Variants in SIL1 observed in about 807,000 individuals in gnomAD.
SIL1 encodes the protein nucleotide exchange factor SIL1.
In SIL1, 40 loss-of-function variants were observed where a neutral mutation model predicts 49.1. That is an observed-to-expected ratio of 0.81 (90% confidence interval 0.63 to 1.06). SIL1 has a LOEUF of 1.06. Among genes scored for constraint, SIL1 ranks in the 50% least tolerant of loss-of-function variants. The pLI is 0.00. For missense variants in SIL1, 500 were observed against 572.6 expected, an observed-to-expected ratio of 0.87 and a Z score of 1.29; for synonymous variants, 253 against 250.8, an observed-to-expected ratio of 1.01 and a Z score of -0.08.
At chr5:139,058,066 TATA>T (rs1414224324) in intron 3 of SIL1, among the ~76,000 whole-genome samples, 14 of 152,220 alleles carry the variant, frequency 9.2e-5, no homozygotes, top group African/African-American at 3.4e-4. Context: ...AGTATATCCA[TATA>T]ATATTATTCA....
intron 3 of SIL1, among the ~76,000 whole-genome samples, chr5:139,055,334 C>G (rs1769380926): frequency 6.6e-6 from 1 of 152,094 alleles, no homozygotes; most frequent in Non-Finnish European, 1.5e-5. Flanking sequence ...CTCTTGTTTT[C>G]TGGGTTGGGG....
intron 7 of SIL1, among the ~76,000 whole-genome samples, chr5:138,974,071 C>G (rs1327731314): frequency 6.6e-6 from 1 of 152,094 alleles, no homozygotes; most frequent in Non-Finnish European, 1.5e-5. Flanking sequence ...TCAAATTGAG[C>G]AGCAAACAGA....
intron 3 of SIL1, among the ~76,000 whole-genome samples, chr5:139,055,992 G>A (rs1769409803): frequency 1.3e-5 from 2 of 152,012 alleles, no homozygotes; most frequent in Admixed American, 1.3e-4. Context: ...GCCCAGGCTG[G>A]AGTGCAGTGG....
intron 1 of SIL1, among the ~76,000 whole-genome samples, chr5:139,138,222 C>T (rs929453569): frequency 6.6e-6 from 1 of 152,160 alleles, no homozygotes. Flanking sequence ...AAGAACTTGA[C>T]ACCTCGCCCC....
At chr5:139,183,109 A>AG (rs1364145576) in intron 1 of SIL1, among the ~76,000 whole-genome samples, 2 of 152,192 alleles carry the variant, frequency 1.3e-5, no homozygotes, top group African/African-American at 4.8e-5. Context: ...AGGCCTGCAA[A>AG]GCTGCACACC....
chr5:139,054,530 T>C (rs955787158), intron 3 of SIL1, among the ~76,000 whole-genome samples: 3 of 152,216 alleles, frequency 2.0e-5, no homozygotes, highest in Non-Finnish European at 1.5e-5. Context: ...CAGGTTGAGT[T>C]ATAATAGTAA....
At chr5:139,086,830 C>T (rs1770233481) in intron 3 of SIL1, among the ~76,000 whole-genome samples, 2 of 151,764 alleles carry the variant, frequency 1.3e-5, no homozygotes. Context: ...CCTGGTGGCA[C>T]ATGCCTGTAA....
chr5:139,120,298 G>T (rs1198622351), intron 3 of SIL1, among the ~76,000 whole-genome samples: 1 of 152,200 alleles, frequency 6.6e-6, no homozygotes, highest in African/African-American at 2.4e-5. Context: ...AAGAGAGTAG[G>T]CCCAGGCTCT....
chr5:139,095,895 G>A (rs1302947250), intron 3 of SIL1, among the ~76,000 whole-genome samples: 1 of 152,070 alleles, frequency 6.6e-6, no homozygotes, highest in East Asian at 1.9e-4. Flanking sequence ...AGAACAAGAT[G>A]GTGGAATAGA....
chr5:138,988,601 T>C (rs1433622236), intron 7 of SIL1, among the ~76,000 whole-genome samples: 4 of 152,210 alleles, frequency 2.6e-5, no homozygotes, highest in Non-Finnish European at 4.4e-5. Flanking sequence ...TCTACAACTA[T>C]TGAAAGCAAA....
At chr5:139,165,507 C>T (rs1321052622) in intron 1 of SIL1, among the ~76,000 whole-genome samples, 2 of 152,206 alleles carry the variant, frequency 1.3e-5, no homozygotes, top group South Asian at 2.1e-4. Context: ...TGCCACCACA[C>T]CTGGCTAATT....
intron 7 of SIL1, among the ~76,000 whole-genome samples, chr5:139,014,851 G>A (rs1768364822): frequency 6.6e-6 from 1 of 152,140 alleles, no homozygotes. Context: ...AGCTACTAGA[G>A]ACAAGAGGTC....
Position 138,947,377 on chromosome 5 carries a change from G to A in SIL1, c.1126C>T (p.Gln376Ter). The A allele has an allele frequency of 6.2e-7, 1 of 1,613,772 alleles. No individual in the cohort carries two copies. Among genetic ancestry groups the A allele is most frequent in the South Asian group, 1.1e-5 (1 of 91,082 alleles). The change falls in exon 10 of 10, where the codon CAG becomes TAG. Residue 376 changes from glutamine (Q) to a stop codon, truncating the protein, a stop_gained. Transcript: ENST00000394817. LOFTEE classifies it high-confidence loss of function. This position sits in a 1 kb window ranked among gnomAD's most constrained non-coding sequence, Gnocchi z 4.1. ...TGGGCCGTGATCTCGCACCAGCCCT[G>A]TTCCCACAGGCCTGGCAGGAGGTGT... ...QVHLLPGLWE[Q>*]GWCEITAHLL...
At chr5:139,163,248 T>C (rs990995617) in intron 1 of SIL1, among the ~76,000 whole-genome samples, 3 of 152,062 alleles carry the variant, frequency 2.0e-5, no homozygotes, top group Admixed American at 1.3e-4. Flanking sequence ...CCTTAAGAAA[T>C]TGAGGGAAAC....
At chr5:139,163,354 CTGTTT>C (rs779783581) in intron 1 of SIL1, among the ~76,000 whole-genome samples, 60 of 151,942 alleles carry the variant, frequency 3.9e-4, no homozygotes, top group Admixed American at 8.5e-4. Context: ...AAATGCTTCA[CTGTTT>C]TGTTTTTTTT....
chr5:139,091,233 T>C (rs1457102075), intron 3 of SIL1, among the ~76,000 whole-genome samples: 1 of 151,776 alleles, frequency 6.6e-6, no homozygotes, highest in Non-Finnish European at 1.5e-5. Flanking sequence ...AAAAGTTTTA[T>C]AAAAAATAAA....
At position 139,023,226 on chromosome 5, in the gene SIL1, G is replaced by GC. The variant is rs911275395; in HGVS notation, c.646-1935dup. ...CTGCCCAGTGCACATCAAAAGCTGG[G>GC]CCCCCCCCTGGTGACATACAGGAGA... is the stretch of plus-strand genomic sequence containing the variant. On this transcript the variant is annotated intron_variant, in intron 6 of 9. Coordinates refer to ENST00000394817, the MANE Select transcript of SIL1 (RefSeq NM_022464.5). Among the ~76,000 whole-genome samples, 246 of 151,670 alleles carry GC rather than the reference G, an allele frequency of 1.6e-3. 1 individual carries two copies. The highest frequency in any genetic ancestry group is 4.5e-3 in the African/African-American group (188 of 41,356).
chr5:139,132,866 G>A (rs542185290), intron 1 of SIL1, among the ~76,000 whole-genome samples: 22 of 152,254 alleles, frequency 1.4e-4, no homozygotes, highest in African/African-American at 5.3e-4. Context: ...TGCCAGGATG[G>A]CCCACCATCA....
chr5:139,002,188 T>C (rs1303065395), intron 7 of SIL1, among the ~76,000 whole-genome samples: 1 of 148,658 alleles, frequency 6.7e-6, no homozygotes, highest in Admixed American at 6.7e-5. Context: ...CCAGCCTGGG[T>C]AACAAAAGTG....
Sources: gnomAD v4.1 joint callset for allele counts (sites outside exome capture counted in the v4.1 genomes callset) on GRCh38, gnomAD v4.1.1 for gene constraint, Gnocchi (gnomAD v3.1) non-coding constraint, MANE v1.5 for transcripts, NCBI Gene and HGNC (gene_info 2026-07-23, HGNC 2026-07-21) for gene names.